CAPZA1: variants seen among roughly 807,000 people sequenced by gnomAD.
CAPZA1 encodes capping actin protein of muscle Z-line subunit alpha 1.
In CAPZA1, 10 loss-of-function variants were observed where a neutral mutation model predicts 40.8. The observed-to-expected ratio is 0.25, with a 90% CI of 0.15 to 0.42. CAPZA1 has a LOEUF of 0.42. CAPZA1 is among the 10% of genes least tolerant of loss of function. The pLI is 1.00. For synonymous variants in CAPZA1, 98 were observed against 115.0 expected, an observed-to-expected ratio of 0.85 and a Z score of 0.95; for missense variants, 277 against 353.8, an observed-to-expected ratio of 0.78 and a Z score of 1.74.
chr1:112,636,137 T>A (rs1458906439), intron 1 of CAPZA1, among the ~76,000 whole-genome samples: 1 of 152,212 alleles, frequency 6.6e-6, no homozygotes, highest in East Asian at 1.9e-4. Flanking sequence ...ATAAATTCCT[T>A]AGGACATTTT....
chr1:112,664,696 G>C (rs940513866), intron 7 of CAPZA1, among the ~76,000 whole-genome samples: 1 of 152,028 alleles, frequency 6.6e-6, no homozygotes, highest in Non-Finnish European at 1.5e-5. Flanking sequence ...AGTACTTTTG[G>C]GAGACCGAGG....
intron 1 of CAPZA1, among the ~76,000 whole-genome samples, chr1:112,627,678 C>T (rs894006480): frequency 3.9e-5 from 5 of 127,378 alleles, no homozygotes; most frequent in African/African-American, 1.2e-4. Flanking sequence ...AAGGGCCAGG[C>T]GTAGTGGTTC....
intron 3 of CAPZA1, among the ~76,000 whole-genome samples, chr1:112,650,497 A>G (rs1438864890): frequency 2.6e-5 from 4 of 152,258 alleles, no homozygotes; most frequent in African/African-American, 7.2e-5. Flanking sequence ...AATCTGCCAT[A>G]GAAAAGGACA....
intron 3 of CAPZA1, among the ~76,000 whole-genome samples, chr1:112,653,349 G>A (rs1164292432): frequency 6.6e-6 from 1 of 152,166 alleles, no homozygotes; most frequent in East Asian, 1.9e-4. Context: ...TGGAGCTCAG[G>A]AGCAGAGAGG....
rs1671824630 is a variant in CAPZA1, at chr1:112,671,195, C to G, written c.*1063C>G. The G allele has an allele frequency of 6.6e-6, 1 of 152,638 alleles. No individual in the cohort carries two copies. Among genetic ancestry groups the G allele is most frequent in the Non-Finnish European group, 1.5e-5 (1 of 68,036 alleles). The allele number at this position is 152,638 out of a possible 1,614,324, so 9.5% of individuals were successfully genotyped here. On this transcript the variant is annotated 3_prime_UTR_variant, in exon 10 of 10. Transcript: ENST00000263168. Reference sequence around the variant, plus strand: ...CTTCCTCAGTCCTGCCTGCCAAGAACTCAAGTGTAACTGTGATAAAATAAC... The same window carrying G: ...CTTCCTCAGTCCTGCCTGCCAAGAAGTCAAGTGTAACTGTGATAAAATAAC...
intron 7 of CAPZA1, 39 bp from the exon 8 acceptor site, chr1:112,667,035 G>T (rs986830804): frequency 3.4e-6 from 5 of 1,459,150 alleles, no homozygotes; most frequent in Non-Finnish European, 4.8e-6. Context: ...GTTTCTCTAT[G>T]AACTTCCCCT....
chr1:112,651,217 G>A (rs910387330), intron 3 of CAPZA1, among the ~76,000 whole-genome samples: 2 of 152,150 alleles, frequency 1.3e-5, no homozygotes, highest in East Asian at 1.9e-4. Flanking sequence ...TAATTCCAGC[G>A]CTTCTGGAAT....
At chr1:112,655,062 A>G (rs920843530) in intron 5 of CAPZA1, among the ~76,000 whole-genome samples, 1 of 152,014 alleles carries the variant, frequency 6.6e-6, no homozygotes, top group Non-Finnish European at 1.5e-5. Flanking sequence ...ATGGAGAAAA[A>G]AATGGTATAC....
chr1:112,639,242 A>G (rs931790200), intron 1 of CAPZA1, among the ~76,000 whole-genome samples: 1 of 152,048 alleles, frequency 6.6e-6, no homozygotes, highest in Non-Finnish European at 1.5e-5. Context: ...TAAGTATTTC[A>G]CCCTTGCCAT....
rs3034524 is a variant in CAPZA1 at position 112,627,636 on chromosome 1, CAAAAAAAAAAAAAA to C, written c.39+7770_39+7783del. 1.1e-3 allele frequency among the ~76,000 whole-genome samples: 57 copies of C among 50,776 alleles called. 1 individual carries two copies. The highest frequency in any genetic ancestry group is 4.2e-3 in the African/African-American group (51 of 12,146). The allele number at this position is 50,776 out of a possible 152,430, so 33.3% of individuals were successfully genotyped here. A position where few individuals can be genotyped will look rare whatever the true frequency, so the allele number is the denominator to read the frequency against. ...TGGCCGACAGTGCGAGACTCTGTCT[CAAAAAAAAAAAAAA>C]AAAAAAAAAAAAAAAAGAAGGGCCA... On this transcript the variant is annotated intron_variant, in intron 1 of 9. Coordinates refer to ENST00000263168, the MANE Select transcript of CAPZA1 (RefSeq NM_006135.3).
intron 1 of CAPZA1, among the ~76,000 whole-genome samples, chr1:112,637,045 A>C (rs1671033818): frequency 6.6e-6 from 1 of 152,260 alleles, no homozygotes; most frequent in South Asian, 2.1e-4. Flanking sequence ...TTCATGTGAC[A>C]CACTAAAGGT....
At chr1:112,651,340 A>G (rs527299082) in intron 3 of CAPZA1, among the ~76,000 whole-genome samples, 19 of 152,358 alleles carry the variant, frequency 1.2e-4, no homozygotes, top group African/African-American at 4.3e-4. Flanking sequence ...TAGAATAATC[A>G]CTAGCTCCTG....
At chr1:112,652,771 T>C (rs1671419628) in intron 3 of CAPZA1, among the ~76,000 whole-genome samples, 1 of 152,166 alleles carries the variant, frequency 6.6e-6, no homozygotes, top group Non-Finnish European at 1.5e-5. Context: ...TTTAAGAATA[T>C]AAGTGTAGCT....
At chr1:112,626,283 A>G (rs1286613010) in intron 1 of CAPZA1, 1 of 152,102 alleles carries the variant, frequency 6.6e-6, no homozygotes, top group Non-Finnish European at 1.5e-5. Flanking sequence ...GTATATAGGA[A>G]CTATAATAAC....
chr1:112,643,687 A>C (rs1475347340), intron 1 of CAPZA1, among the ~76,000 whole-genome samples: 1 of 152,176 alleles, frequency 6.6e-6, no homozygotes, highest in East Asian at 1.9e-4. Flanking sequence ...TTGGAACCCA[A>C]ATTTTCCATT....
intron 5 of CAPZA1, among the ~76,000 whole-genome samples, chr1:112,657,550 C>G (rs1392595854): frequency 6.6e-6 from 1 of 152,096 alleles, no homozygotes; most frequent in African/African-American, 2.4e-5. Context: ...TCAACCACTT[C>G]TAGAAATTAT....
At chr1:112,655,777 G>A (rs1671488570) in intron 5 of CAPZA1, among the ~76,000 whole-genome samples, 1 of 152,012 alleles carries the variant, frequency 6.6e-6, no homozygotes, top group Admixed American at 6.6e-5. Context: ...TGGCCAGGCT[G>A]GTCTCGAACT....
rs762414071 is a variant in CAPZA1 at position 112,670,072 on chromosome 1, C to T, written c.801C>T (p.Thr267=). 1.2e-6 allele frequency: 2 copies of T among 1,613,864 alleles called. No homozygotes were observed. Among genetic ancestry groups the T allele is most frequent in the Non-Finnish European group, 1.7e-6 (2 of 1,179,806 alleles). ...GCCGGCAGCTTCCAGTTACCCGCAC[C>T]AAAATCGACTGGAACAAGATACTCA... ...ALRRQLPVTR[T]KIDWNKILSY... The change falls in exon 10 of 10, where the codon ACC becomes ACT. Residue 267 remains threonine, a synonymous_variant. Coordinates refer to ENST00000263168, the MANE Select transcript of CAPZA1 (RefSeq NM_006135.3).
intron 1 of CAPZA1, among the ~76,000 whole-genome samples, chr1:112,641,705 A>G (rs1398407768): frequency 1.3e-5 from 2 of 152,062 alleles, no homozygotes; most frequent in Non-Finnish European, 2.9e-5. Context: ...CCTAGCCAAC[A>G]TGGTGAAACC....
Sources: allele counts gnomAD v4.1 joint callset (sites outside exome capture counted in the v4.1 genomes callset), GRCh38; gene constraint gnomAD v4.1.1; transcripts MANE v1.5; gene names NCBI Gene and HGNC (gene_info 2026-07-23, HGNC 2026-07-21).